The following EYS variants were observed in gnomAD, a reference collection of about 807,000 sequenced individuals.
EYS encodes protein eyes shut homolog.
In EYS, 250 loss-of-function variants were observed where a neutral mutation model predicts 282.1. That is an observed-to-expected ratio of 0.89 (90% CI 0.80 to 0.98). The LOEUF (loss-of-function observed/expected upper bound fraction) is 0.98. Ranked by LOEUF, EYS falls within the 50% of genes least tolerant of loss-of-function variation. The pLI, the probability that EYS is intolerant of heterozygous loss-of-function variation, is 0.00. For missense variants in EYS, 4,016 were observed against 3,709.0 expected (o/e 1.08, Z -2.15); for synonymous variants, 1,355 against 1,282.9 (o/e 1.06, Z -1.20).
intron 12 of EYS, among the ~76,000 whole-genome samples, chr6:65,281,776 A>G (rs532778589): frequency 6.6e-6 from 1 of 152,248 alleles, no homozygotes; most frequent in South Asian, 2.1e-4. Context: ...AAAGCTCATA[A>G]CAGATGAACC....
chr6:65,135,336 G>A (rs1416787330), intron 12 of EYS, among the ~76,000 whole-genome samples: 2 of 151,412 alleles, frequency 1.3e-5, no homozygotes, highest in Non-Finnish European at 2.9e-5. Flanking sequence ...ATGAAGTTGT[G>A]TTACTTTTTA....
chr6:64,435,780 T>G (rs1423761745), intron 28 of EYS, among the ~76,000 whole-genome samples: 1 of 151,864 alleles, frequency 6.6e-6, no homozygotes. Flanking sequence ...CCTTAATTAC[T>G]CAATCTGGAT....
At chr6:65,511,281 C>T (rs1334540752) in intron 2 of EYS, among the ~76,000 whole-genome samples, 1 of 151,572 alleles carries the variant, frequency 6.6e-6, no homozygotes, top group African/African-American at 2.4e-5. Context: ...GTAAATAATT[C>T]TATTTTAAAC....
At chr6:63,831,659 A>G (rs1453190112) in intron 36 of EYS, among the ~76,000 whole-genome samples, 1 of 152,192 alleles carries the variant, frequency 6.6e-6, no homozygotes, top group Admixed American at 6.5e-5. Flanking sequence ...CAGATCAAAG[A>G]GACAGAAAGT....
chr6:65,026,571 A>G (rs915930277), intron 13 of EYS, among the ~76,000 whole-genome samples: 1 of 152,180 alleles, frequency 6.6e-6, no homozygotes, highest in Non-Finnish European at 1.5e-5. Context: ...TTAGGAGAGC[A>G]CAGTCCAAAG....
chr6:64,551,664 G>GT (rs1267537107), intron 26 of EYS, among the ~76,000 whole-genome samples: 3 of 151,328 alleles, frequency 2.0e-5, no homozygotes, highest in Non-Finnish European at 4.4e-5. Flanking sequence ...AGCCTCCTGA[G>GT]TACCAAGGAC....
intron 5 of EYS, among the ~76,000 whole-genome samples, chr6:65,429,530 T>C (rs531239849): frequency 1.3e-5 from 2 of 152,260 alleles, no homozygotes; most frequent in South Asian, 4.1e-4. Flanking sequence ...CATAGTGGCT[T>C]CATTGTCCGT....
chr6:65,455,043 T>C (rs1044027961), intron 5 of EYS, among the ~76,000 whole-genome samples: 1 of 152,116 alleles, frequency 6.6e-6, no homozygotes, highest in African/African-American at 2.4e-5. Flanking sequence ...GTGAAGAATG[T>C]TACTGGTATT....
intron 12 of EYS, among the ~76,000 whole-genome samples, chr6:65,209,184 AC>A (rs936349806): frequency 1.3e-5 from 2 of 151,808 alleles, no homozygotes; most frequent in African/African-American, 4.8e-5. Flanking sequence ...GATAGTTTTC[AC>A]AAAATGGTTG....
intron 31 of EYS, among the ~76,000 whole-genome samples, chr6:64,104,766 A>G (rs1357175375): frequency 8.2e-6 from 1 of 121,598 alleles, no homozygotes; most frequent in Non-Finnish European, 1.7e-5. Flanking sequence ...TTTTTTTTTA[A>G]AGAAATATAC....
chr6:64,700,553 A>T (rs1770747035), intron 22 of EYS, among the ~76,000 whole-genome samples: 1 of 152,048 alleles, frequency 6.6e-6, no homozygotes, highest in Admixed American at 6.6e-5. Flanking sequence ...GAAAATCAAC[A>T]AAAATATCAG....
intron 24 of EYS, among the ~76,000 whole-genome samples, chr6:64,595,695 T>A (rs75176703): frequency 0.1 from 15,356 of 151,944 alleles, 927 homozygotes; most frequent in East Asian, 0.17. Flanking sequence ...CACAATAGCC[T>A]CACAAAAGAA....
intron 31 of EYS, among the ~76,000 whole-genome samples, chr6:64,116,950 CAG>C (rs949155472): frequency 8.6e-5 from 13 of 151,926 alleles, no homozygotes; most frequent in African/African-American, 2.9e-4. Context: ...AAGAGACAGA[CAG>C]TAATATAAAA....
At chr6:64,296,566 A>T (rs866743419) in intron 30 of EYS, among the ~76,000 whole-genome samples, 4 of 5,870 alleles carry the variant, frequency 6.8e-4, no homozygotes, top group African/African-American at 4.4e-3. Context: ...ATATATATAT[A>T]TATATATATA....
rs982255151 is a variant in EYS, at chr6:64,822,957, G to T, written c.2993-135C>A. The T allele has an allele frequency of 1.2e-5, 8 of 660,172 alleles. No homozygotes were observed. In the Admixed American group the frequency reaches 1.7e-4, roughly 14 times the overall value. The allele number at this position is 660,172 out of a possible 1,614,324, so 40.9% of individuals were successfully genotyped here. ...GATAACTTGGTATTTGGTAGCAAAA[G>T]AAAATATATTTCAAGGTTAAATATA... On this transcript the variant is annotated intron_variant, in intron 19 of 42. Coordinates refer to ENST00000503581, the MANE Select transcript of EYS (RefSeq NM_001142800.2).
At chr6:65,249,152 G>A in intron 12 of EYS, among the ~76,000 whole-genome samples, 1 of 150,920 alleles carries the variant, frequency 6.6e-6, no homozygotes, top group South Asian at 2.1e-4. Flanking sequence ...AAAGAAAATA[G>A]CATCACTGAT....
In EYS at chr6:63,863,663, CTTTTCTTTTTTCTT is replaced by C. The variant is rs1214765364; in HGVS notation, c.7228+509_7228+522del. Among the ~76,000 whole-genome samples, 20 of 55,752 alleles carry C rather than the reference CTTTTCTTTTTTCTT, an allele frequency of 3.6e-4. 3 individuals carry two copies. The highest frequency in any genetic ancestry group is 8.8e-4 in the Admixed American group (5 of 5,686). 36.6% of individuals were successfully genotyped at this position (55,752 alleles called of 152,430 possible). A position where few individuals can be genotyped will look rare whatever the true frequency, so the allele number is the denominator to read the frequency against. ...TTTTTCTTTTCTTTTCTTTTCTTTTCTTTTCTTTTTTCTTTTTTTTTTTTTTTTTTGAGATGGAG... is the reference window on the plus strand; with the variant it reads ...TTTTTCTTTTCTTTTCTTTTCTTTTCTTTTTTTTTTTTTTTTGAGATGGAG... On this transcript the variant is annotated intron_variant, in intron 36 of 42. Coordinates refer to ENST00000503581, the MANE Select transcript of EYS (RefSeq NM_001142800.2).
chr6:64,375,738 C>T (rs1561958580), intron 29 of EYS, among the ~76,000 whole-genome samples: 2 of 152,106 alleles, frequency 1.3e-5, no homozygotes, highest in Non-Finnish European at 2.9e-5. Flanking sequence ...ATTTTCTCCA[C>T]TTTGTATTAA....
At chr6:64,081,764 T>C (rs1771977196) in intron 32 of EYS, 92 bp downstream of exon 32, 1 of 1,121,772 alleles carries the variant, frequency 8.9e-7, no homozygotes, top group Admixed American at 3.2e-5. Flanking sequence ...AAAAATTCTC[T>C]CACAATATTT....
Sources: allele counts gnomAD v4.1 joint callset (sites outside exome capture counted in the v4.1 genomes callset), GRCh38; gene constraint gnomAD v4.1.1; transcripts MANE v1.5; gene names NCBI Gene and HGNC (gene_info 2026-07-23, HGNC 2026-07-21).